FOXK1: variants seen among roughly 807,000 people sequenced by gnomAD.
FOXK1 encodes the protein forkhead box protein K1.
In FOXK1, 19 loss-of-function variants were observed where a neutral mutation model predicts 51.9. The ratio of observed to expected loss-of-function variants is 0.37; its 90% CI spans 0.26 to 0.54. The LOEUF (loss-of-function observed/expected upper bound fraction) is 0.54, where lower values mean the gene tolerates loss of function less well. Among genes scored for constraint, FOXK1 ranks in the 20% least tolerant of loss-of-function variants. The pLI, the probability that FOXK1 is intolerant of heterozygous loss-of-function variation, is 0.87. For missense variants in FOXK1, 870 were observed against 1,032.7 expected (o/e 0.84, Z 2.16); for synonymous variants, 537 against 482.6 (o/e 1.11, Z -1.48).
rs994190154 is a variant in FOXK1 at position 4,769,056 on chromosome 7, T to G, written c.*6592T>G. 6.6e-6 allele frequency: 1 copy of G among 152,164 alleles called. No individual in the cohort carries two copies. The highest frequency in any genetic ancestry group is 2.4e-5 in the African/African-American group (1 of 41,434). The allele number at this position is 152,164 out of a possible 1,614,324, so 9.4% of individuals were successfully genotyped here. A position where few individuals can be genotyped will look rare whatever the true frequency, so the allele number is the denominator to read the frequency against. On this transcript the variant is annotated 3_prime_UTR_variant, in exon 9 of 9. Coordinates refer to ENST00000328914, the MANE Select transcript of FOXK1 (RefSeq NM_001037165.2). This position sits in a 1 kb window ranked among gnomAD's most constrained non-coding sequence, Gnocchi z 4.1. ...TGGTGAGGCTTTGGAAATTTTTTGT[T>G]TCTTCTACTCATCCTAATGGCTGGT...
intron 1 of FOXK1, among the ~76,000 whole-genome samples, chr7:4,687,239 T>C (rs1450453017): frequency 1.3e-5 from 2 of 150,910 alleles, no homozygotes; most frequent in Non-Finnish European, 3.0e-5. Flanking sequence ...GCCTTTTTTT[T>C]CCTTTTTACA....
chr7:4,751,908 TTCTC>T (rs1298019583), intron 2 of FOXK1, among the ~76,000 whole-genome samples: 115 of 152,366 alleles, frequency 7.5e-4, no homozygotes, highest in African/African-American at 2.2e-3. Flanking sequence ...CTTGAAATCA[TTCTC>T]TGGGGAATGA....
At chr7:4,699,816 C>T (rs550936213) in intron 1 of FOXK1, among the ~76,000 whole-genome samples, 2 of 152,302 alleles carry the variant, frequency 1.3e-5, no homozygotes, top group African/African-American at 4.8e-5. Context: ...GTCACATTTA[C>T]ATTTCTGGTA....
intron 1 of FOXK1, among the ~76,000 whole-genome samples, chr7:4,691,438 G>A (rs949480586): frequency 2.0e-4 from 30 of 152,086 alleles, no homozygotes; most frequent in African/African-American, 6.8e-4. Context: ...GGGTTCAGGC[G>A]ATTCTCCTGC....
At position 4,759,230 on chromosome 7, in the gene FOXK1, C is replaced by A. The variant is rs776450295; in HGVS notation, c.1411+13C>A. 1 of 1,480,996 alleles carries A rather than the reference C, an allele frequency of 6.8e-7. No individual in the cohort carries two copies. Among genetic ancestry groups the A allele is most frequent in the Non-Finnish European group, 9.2e-7 (1 of 1,085,392 alleles). The allele number at this position is 1,480,996 out of a possible 1,614,324, so 91.7% of individuals were successfully genotyped here. A position where few individuals can be genotyped will look rare whatever the true frequency, so the allele number is the denominator to read the frequency against. On this transcript the variant is annotated intron_variant, in intron 6 of 8. Transcript: ENST00000328914. Reference sequence around the variant, plus strand: ...CAAAGCGCACCCGGTAAGGAGCGGGCGGCCCTCTTGCGGGGCGGGGCGGGG... The same window carrying A: ...CAAAGCGCACCCGGTAAGGAGCGGGAGGCCCTCTTGCGGGGCGGGGCGGGG...
In FOXK1 at chr7:4,752,682, G is replaced by A. The variant is rs114497299; in HGVS notation, c.747-1777G>A. 2.7e-3 allele frequency among the ~76,000 whole-genome samples: 408 copies of A among 152,322 alleles called. 4 individuals carry two copies. The highest frequency in any genetic ancestry group is 9.4e-3 in the African/African-American group (390 of 41,574). ...TCAGAGTGTATGTGAGTGACACCTC[G>A]GCTCAGTGGTCCCCAGCAAGGACTG... On this transcript the variant is annotated intron_variant, in intron 2 of 8. Transcript: ENST00000328914.
At chr7:4,719,072 G>A (rs943600295) in intron 1 of FOXK1, among the ~76,000 whole-genome samples, 2 of 151,830 alleles carry the variant, frequency 1.3e-5, no homozygotes, top group African/African-American at 4.8e-5. Flanking sequence ...GCCTCCCAAA[G>A]TGCTGGGATT....
Position 4,696,496 on chromosome 7 carries a change from C to A in FOXK1, c.560+13628C>A, listed in dbSNP as rs180748125. The stretch of plus-strand genomic sequence containing the variant: ...CCAGGTAGCCTTTGCTTAATAAGCC[C>A]TCGGAGTACTCGTCCTTTGAGCTCG... On this transcript the variant is annotated intron_variant, in intron 1 of 8. Coordinates refer to ENST00000328914, the MANE Select transcript of FOXK1 (RefSeq NM_001037165.2). 2.5e-4 allele frequency among the ~76,000 whole-genome samples: 38 copies of A among 152,316 alleles called. No individual in the cohort carries two copies. The East Asian group carries it at 4.6e-3, about 19-fold the overall frequency.
chr7:4,702,910 G>A (rs1163234844), intron 1 of FOXK1, among the ~76,000 whole-genome samples: 1 of 152,180 alleles, frequency 6.6e-6, no homozygotes, highest in Non-Finnish European at 1.5e-5. Context: ...GACAGACCCA[G>A]CCTGCCCGCC....
In FOXK1 at chr7:4,731,304, G is replaced by C. The variant is rs1780473309; in HGVS notation, c.561-9534G>C. 6.6e-6 allele frequency among the ~76,000 whole-genome samples: 1 copy of C among 152,200 alleles called. No homozygotes were observed. The highest frequency in any genetic ancestry group is 2.1e-4 in the South Asian group (1 of 4,832). On this transcript the variant is annotated intron_variant, in intron 1 of 8. Transcript: ENST00000328914. The surrounding 1 kb of genome is among the most constrained non-coding windows in gnomAD (Gnocchi z 5.3). ...TGCCTCAGAGCCAAACCACTTAACA[G>C]AACCAGGCGAGCCAGGTTTAGTACT...
rs188909408 is a variant in FOXK1 at position 4,708,719 on chromosome 7, C to T, written c.560+25851C>T. On this transcript the variant is annotated intron_variant, in intron 1 of 8. Transcript: ENST00000328914. Reference sequence around the variant, plus strand: ...CTGGGGTGAACTTCATTCCTGCCAGCTTCTCAGAGCCTGGTTGGATATTGG... The same window carrying T: ...CTGGGGTGAACTTCATTCCTGCCAGTTTCTCAGAGCCTGGTTGGATATTGG... Among the ~76,000 whole-genome samples, 652 of 152,284 alleles carry T rather than the reference C, an allele frequency of 4.3e-3. 7 individuals are homozygous for T. Among genetic ancestry groups the T allele is most frequent in the Non-Finnish European group, 7.6e-3 (520 of 68,012 alleles).
intron 1 of FOXK1, among the ~76,000 whole-genome samples, chr7:4,719,120 G>GGTT (rs1554251083): frequency 2.0e-5 from 3 of 147,246 alleles, no homozygotes; most frequent in Admixed American, 6.8e-5. Context: ...TGTTTTTTTT[G>GGTT]TTTTTTTTTT....
chr7:4,714,935 C>T (rs531530285), intron 1 of FOXK1, among the ~76,000 whole-genome samples: 11 of 152,242 alleles, frequency 7.2e-5, no homozygotes, highest in South Asian at 6.2e-4. Context: ...TCTGCGTGCA[C>T]GTGGAGTTGT....
At position 4,755,445 on chromosome 7, in the gene FOXK1, G is replaced by C; in HGVS notation, c.1050+62G>C. ...GGCCCTTAGAACATGGAACTCACAG[G>C]CATATTGCTTCCCTTAAAACAGAAG... On this transcript the variant is annotated intron_variant, in intron 4 of 8. Transcript: ENST00000328914. The surrounding 1 kb of genome is among the most constrained non-coding windows in gnomAD (Gnocchi z 6.6). 2 of 1,584,718 alleles carry C rather than the reference G, an allele frequency of 1.3e-6. No homozygotes were observed. Among genetic ancestry groups the C allele is most frequent in the Admixed American group, 3.4e-5 (2 of 57,972 alleles).
intron 1 of FOXK1, among the ~76,000 whole-genome samples, chr7:4,728,730 G>GAAAAAAAAAAAAAAA (rs67143977): frequency 9.6e-6 from 1 of 103,896 alleles, no homozygotes; most frequent in Non-Finnish European, 1.9e-5. Context: ...GTCTCTTTTT[G>GAAAAAAAAAAAAAAA]AAAAAAAAAA....
At chr7:4,751,530 G>A (rs908879467) in intron 2 of FOXK1, among the ~76,000 whole-genome samples, 13 of 152,226 alleles carry the variant, frequency 8.5e-5, no homozygotes, top group African/African-American at 2.4e-4. Flanking sequence ...CTTAGCGGCT[G>A]TGAGGCTCGA....
intron 1 of FOXK1, among the ~76,000 whole-genome samples, chr7:4,699,032 G>A (rs753204225): frequency 1.3e-5 from 2 of 152,232 alleles, no homozygotes; most frequent in Non-Finnish European, 2.9e-5. Flanking sequence ...CCAGTGCAGT[G>A]CTTTGTCGCT....
At chr7:4,724,957 GAAA>G (rs1238633657) in intron 1 of FOXK1, among the ~76,000 whole-genome samples, 2 of 152,240 alleles carry the variant, frequency 1.3e-5, no homozygotes, top group African/African-American at 4.8e-5. Flanking sequence ...TGGCCACACA[GAAA>G]AATAGTGGGG....
At chr7:4,732,311 C>T (rs1780488351) in intron 1 of FOXK1, among the ~76,000 whole-genome samples, 1 of 152,170 alleles carries the variant, frequency 6.6e-6, no homozygotes, top group South Asian at 2.1e-4. Flanking sequence ...ACCAAAGATC[C>T]CAGTGCCGAC....
Sources: allele counts gnomAD v4.1 joint callset (sites outside exome capture counted in the v4.1 genomes callset), GRCh38; gene constraint gnomAD v4.1.1; non-coding constraint Gnocchi (gnomAD v3.1); transcripts MANE v1.5; gene names NCBI Gene and HGNC (gene_info 2026-07-23, HGNC 2026-07-21).